PRKN: variants seen among roughly 807,000 people sequenced by gnomAD.
PRKN encodes the protein E3 ubiquitin-protein ligase parkin.
Under a neutral mutation model 59.5 loss-of-function variants are expected in PRKN, and 56 were observed. The ratio of observed to expected loss-of-function variants is 0.94; its 90% confidence interval spans 0.76 to 1.18. The LOEUF is 1.18. Among genes scored for constraint, PRKN ranks in the 50% most tolerant of loss-of-function variants. PRKN has a pLI of 0.00. For synonymous variants in PRKN, 250 were observed against 222.1 expected, an observed-to-expected ratio of 1.13 and a Z score of -1.12; for missense variants, 657 against 596.4, an observed-to-expected ratio of 1.10 and a Z score of -1.06.
At chr6:162,253,087 T>C (rs931550988) in intron 3 of PRKN, among the ~76,000 whole-genome samples, 4 of 152,236 alleles carry the variant, frequency 2.6e-5, no homozygotes, top group African/African-American at 9.6e-5. Context: ...TACAGTAACC[T>C]GGTAAATTAA....
At chr6:162,432,009 A>G (rs1181042530) in intron 2 of PRKN, among the ~76,000 whole-genome samples, 1 of 152,216 alleles carries the variant, frequency 6.6e-6, no homozygotes, top group Non-Finnish European at 1.5e-5. Flanking sequence ...ATAACTGATT[A>G]AGTCTATTTT....
intron 7 of PRKN, among the ~76,000 whole-genome samples, chr6:161,659,942 T>C (rs1398248422): frequency 1.3e-5 from 2 of 152,152 alleles, no homozygotes; most frequent in African/African-American, 4.8e-5. Context: ...CAGTCAGAGT[T>C]CAGGTAGGGA....
At chr6:162,423,687 G>A (rs941935388) in intron 2 of PRKN, among the ~76,000 whole-genome samples, 1 of 152,056 alleles carries the variant, frequency 6.6e-6, no homozygotes, top group Non-Finnish European at 1.5e-5. Context: ...CTAGGAACTG[G>A]TCGTCATCAG....
At chr6:162,446,766 GTGATT>G (rs1157631229) in intron 1 of PRKN, among the ~76,000 whole-genome samples, 1 of 152,150 alleles carries the variant, frequency 6.6e-6, no homozygotes, top group Non-Finnish European at 1.5e-5. Context: ...TGGCAGTAAT[GTGATT>G]TGAGTGGGTC....
At chr6:162,694,271 G>A (rs1223744777) in intron 1 of PRKN, among the ~76,000 whole-genome samples, 2 of 149,982 alleles carry the variant, frequency 1.3e-5, no homozygotes, top group East Asian at 3.9e-4. Flanking sequence ...GAAATATGGA[G>A]TGCTGGTAGA....
chr6:161,900,246 G>A (rs2128234721), intron 6 of PRKN, among the ~76,000 whole-genome samples: 1 of 151,194 alleles, frequency 6.6e-6, no homozygotes, highest in East Asian at 1.9e-4. Context: ...ATGTAAATTG[G>A]ACTATGCACC....
At position 161,349,991 on chromosome 6, in the gene PRKN, T is replaced by TGG; in HGVS notation, c.*107_*108insCC. ...TTGAAAAAAACTTGAAGAGTGTGTG[T>TGG]GCGCGCGCGCGCGTGTGTGTGTGTG... On this transcript the variant is annotated 3_prime_UTR_variant, in exon 12 of 12. Coordinates refer to ENST00000366898, the MANE Select transcript of PRKN (RefSeq NM_004562.3). This position sits in a 1 kb window ranked among gnomAD's most constrained non-coding sequence, Gnocchi z 5.5. The TGG allele has an allele frequency of 1.3e-6, 1 of 775,428 alleles. No individual in the cohort carries two copies. The highest frequency in any genetic ancestry group is 2.2e-6 in the Non-Finnish European group (1 of 450,946). 48.0% of individuals were successfully genotyped at this position (775,428 alleles called of 1,614,324 possible). A position where few individuals can be genotyped will look rare whatever the true frequency, so the allele number is the denominator to read the frequency against.
chr6:161,710,778 T>G lies in PRKN; in HGVS notation c.871+74994A>C, dbSNP rs1362607161. ...TCTTGAATGTGCCTGCCTGCTTAAC[T>G]TCCTTCCTTCTTTTCTTTCTTCCTT... On this transcript the variant is annotated intron_variant, in intron 7 of 11. Transcript: ENST00000366898. Among the ~76,000 whole-genome samples the G allele has an allele frequency of 2.0e-5, 3 of 151,928 alleles. 1 individual carries two copies. In the East Asian group the frequency reaches 5.8e-4, roughly 29 times the overall value.
rs533276773 is a variant in PRKN at position 162,679,713 on chromosome 6, T to C, written c.7+47949A>G. Among the ~76,000 whole-genome samples, 587 of 152,292 alleles carry C rather than the reference T, an allele frequency of 3.9e-3. 2 individuals carry two copies. Among genetic ancestry groups the C allele is most frequent in the Non-Finnish European group, 6.3e-3 (426 of 68,022 alleles). On this transcript the variant is annotated intron_variant, in intron 1 of 11. Transcript: ENST00000366898. Reference sequence around the variant, plus strand: ...GTAGGCCAAATGTTCCCTGATATTATGTTGATAATAACCCCTTCTCAAAAG... The same window carrying C: ...GTAGGCCAAATGTTCCCTGATATTACGTTGATAATAACCCCTTCTCAAAAG...
rs927593187 is a variant in PRKN, at chr6:161,466,042, A to G, written c.1084-79165T>C. 2.0e-5 allele frequency among the ~76,000 whole-genome samples: 3 copies of G among 150,876 alleles called. No homozygotes were observed. The highest frequency in any genetic ancestry group is 7.4e-5 in the African/African-American group (3 of 40,340). ...TACAATCAAATTAATCAACACTTCT[A>G]TCACCACACATAGTTATCTTTGTGT... On this transcript the variant is annotated intron_variant, in intron 9 of 11. Coordinates refer to ENST00000366898, the MANE Select transcript of PRKN (RefSeq NM_004562.3). The surrounding 1 kb of genome is among the most constrained non-coding windows in gnomAD (Gnocchi z 5.0).
intron 2 of PRKN, among the ~76,000 whole-genome samples, chr6:162,319,984 G>C (rs1226890363): frequency 6.6e-6 from 1 of 151,678 alleles, no homozygotes; most frequent in Non-Finnish European, 1.5e-5. Flanking sequence ...ACCCTGCCAA[G>C]TCCATTGTCT....
intron 5 of PRKN, among the ~76,000 whole-genome samples, chr6:162,046,797 T>C (rs548956060): frequency 3.3e-5 from 5 of 152,100 alleles, no homozygotes; most frequent in Admixed American, 2.0e-4. Context: ...CTTTTTTCCA[T>C]GGGAAACTAA....
intron 9 of PRKN, among the ~76,000 whole-genome samples, chr6:161,394,424 C>T (rs1467860115): frequency 6.6e-6 from 1 of 152,150 alleles, no homozygotes; most frequent in African/African-American, 2.4e-5. Context: ...CAATTAGTTT[C>T]CCACAAAATA....
intron 7 of PRKN, among the ~76,000 whole-genome samples, chr6:161,669,493 A>T (rs1784834803): frequency 6.6e-6 from 1 of 152,232 alleles, no homozygotes; most frequent in African/African-American, 2.4e-5. Flanking sequence ...TCACTGTGAA[A>T]TCTTATTAAT....
At chr6:162,598,724 ATGCCTG>A (rs1420034031) in intron 1 of PRKN, among the ~76,000 whole-genome samples, 1 of 151,936 alleles carries the variant, frequency 6.6e-6, no homozygotes, top group Admixed American at 6.6e-5. Context: ...GTGGTAGTGC[ATGCCTG>A]TAATCCCAGT....
intron 1 of PRKN, among the ~76,000 whole-genome samples, chr6:162,632,999 TAA>T (rs951591300): frequency 1.3e-5 from 2 of 152,194 alleles, no homozygotes; most frequent in Non-Finnish European, 2.9e-5. Flanking sequence ...TAAATAGTGT[TAA>T]GTTTCAATAC....
At chr6:162,439,319 C>T (rs1412867084) in intron 2 of PRKN, among the ~76,000 whole-genome samples, 4 of 148,046 alleles carry the variant, frequency 2.7e-5, no homozygotes, top group South Asian at 2.2e-4. Flanking sequence ...CCCTTCCCTT[C>T]CCCCTTCCTT....
At chr6:161,754,096 G>C (rs937847930) in intron 7 of PRKN, among the ~76,000 whole-genome samples, 3 of 152,112 alleles carry the variant, frequency 2.0e-5, no homozygotes, top group Non-Finnish European at 2.9e-5. Flanking sequence ...ATTCATGTGG[G>C]GTTCAGATTG....
At chr6:161,840,430 C>T (rs1792936218) in intron 6 of PRKN, among the ~76,000 whole-genome samples, 1 of 152,184 alleles carries the variant, frequency 6.6e-6, no homozygotes, top group Admixed American at 6.5e-5. Context: ...GGAGAAAAGC[C>T]CCATCCATTC....
Sources: gnomAD v4.1 joint callset for allele counts (sites outside exome capture counted in the v4.1 genomes callset) on GRCh38, gnomAD v4.1.1 for gene constraint, Gnocchi (gnomAD v3.1) non-coding constraint, MANE v1.5 for transcripts, NCBI Gene and HGNC (gene_info 2026-07-23, HGNC 2026-07-21) for gene names.